Variants in ARHGEF33 observed in about 807,000 individuals in gnomAD.
ARHGEF33 encodes DH and coiled-coil domain-containing protein ENSP00000381780.
A neutral mutation model predicts 101.9 loss-of-function variants in ARHGEF33; 72 were observed. The ratio of observed to expected loss-of-function variants is 0.71; its 90% CI spans 0.58 to 0.86. The LOEUF (loss-of-function observed/expected upper bound fraction) is 0.86, where lower values mean the gene tolerates loss of function less well. Ranked by LOEUF, ARHGEF33 falls within the 40% of genes least tolerant of loss-of-function variation. The probability of loss-of-function intolerance (pLI) is 0.00; values close to 1 mark genes in which losing one functional copy is unlikely to be tolerated. For missense variants in ARHGEF33, 1,169 were observed against 1,111.3 expected (o/e 1.05, Z -0.74); for synonymous variants, 499 against 442.5 (o/e 1.13, Z -1.60).
At chr2:38,944,100 A>T in intron 10 of ARHGEF33, 70 bp downstream of exon 10, 4 of 1,467,006 alleles carry the variant, frequency 2.7e-6, no homozygotes, top group Non-Finnish European at 3.6e-6. Context: ...TATTGTTTCC[A>T]CTTTGGGATT....
intron 9 of ARHGEF33, among the ~76,000 whole-genome samples, chr2:38,938,776 T>G (rs968675203): frequency 2.0e-5 from 3 of 152,222 alleles, no homozygotes; most frequent in African/African-American, 4.8e-5. Flanking sequence ...TTATGACTTC[T>G]ATACCACAAA....
intron 1 of ARHGEF33, 57 bp from the exon 2 acceptor site, chr2:38,895,720 T>C (rs1299687310): frequency 6.6e-6 from 1 of 151,884 alleles, no homozygotes; most frequent in Non-Finnish European, 1.5e-5. Context: ...AAAATGATGG[T>C]ATAAAATGCA....
chr2:38,970,299 CTCT>C (rs1263423549), intron 17 of ARHGEF33, among the ~76,000 whole-genome samples: 1 of 152,132 alleles, frequency 6.6e-6, no homozygotes, highest in East Asian at 1.9e-4. Context: ...TCAGTGAATC[CTCT>C]TCTTTTGGTG....
intron 15 of ARHGEF33, among the ~76,000 whole-genome samples, chr2:38,958,713 TA>T (rs1256612076): frequency 4.6e-5 from 1 of 21,672 alleles, no homozygotes; most frequent in African/African-American, 1.8e-4. Flanking sequence ...GCATTGTTTT[TA>T]TTTTTTTTTG....
intron 13 of ARHGEF33, among the ~76,000 whole-genome samples, chr2:38,955,612 A>T (rs1014089690): frequency 1.4e-5 from 2 of 140,318 alleles, no homozygotes; most frequent in African/African-American, 5.3e-5. Context: ...CAATGCTCCC[A>T]CCTCGGCCTC....
intron 1 of ARHGEF33, among the ~76,000 whole-genome samples, chr2:38,891,826 C>G (rs1666012540): frequency 6.6e-6 from 1 of 151,790 alleles, no homozygotes; most frequent in African/African-American, 2.4e-5. Flanking sequence ...TCACTTGTGC[C>G]TTTTGAGAGT....
At chr2:38,899,744 G>T (rs1558422361) in intron 2 of ARHGEF33, among the ~76,000 whole-genome samples, 1 of 152,072 alleles carries the variant, frequency 6.6e-6, no homozygotes, top group Non-Finnish European at 1.5e-5. Flanking sequence ...AAGGTGACAG[G>T]TAGGCTAATT....
intron 2 of ARHGEF33, among the ~76,000 whole-genome samples, chr2:38,908,120 C>T (rs963235305): frequency 5.3e-5 from 8 of 152,312 alleles, no homozygotes; most frequent in African/African-American, 1.9e-4. Context: ...TTGCCTCAGC[C>T]TCTCAAAGTG....
chr2:38,935,060 AAAAG>A (rs1227033879), intron 7 of ARHGEF33, among the ~76,000 whole-genome samples: 1 of 151,790 alleles, frequency 6.6e-6, no homozygotes, highest in Non-Finnish European at 1.5e-5. Context: ...AAAAAAAAAA[AAAAG>A]AAACAGCAGG....
intron 13 of ARHGEF33, among the ~76,000 whole-genome samples, chr2:38,955,459 C>T (rs1311468355): frequency 7.6e-6 from 1 of 130,756 alleles, no homozygotes; most frequent in Non-Finnish European, 1.6e-5. Flanking sequence ...AGTCCAGTAT[C>T]AAAGCATCAA....
intron 7 of ARHGEF33, among the ~76,000 whole-genome samples, chr2:38,931,883 TGAC>T (rs1338984524): frequency 6.6e-6 from 1 of 152,234 alleles, no homozygotes; most frequent in African/African-American, 2.4e-5. Context: ...GTTGTTTAGA[TGAC>T]ATTTCCTCTT....
intron 4 of ARHGEF33, among the ~76,000 whole-genome samples, chr2:38,924,384 C>T (rs1046388825): frequency 3.9e-5 from 6 of 152,070 alleles, no homozygotes; most frequent in Non-Finnish European, 5.9e-5. Flanking sequence ...GCTCTTTTCC[C>T]GAGTCAGGTG....
At chr2:38,973,455 ATGT>A (rs1471041000) in intron 17 of ARHGEF33, among the ~76,000 whole-genome samples, 2 of 152,152 alleles carry the variant, frequency 1.3e-5, no homozygotes, top group East Asian at 1.9e-4. Context: ...CCCTATTATG[ATGT>A]TATTACACAA....
chr2:38,921,428 A>G lies in ARHGEF33; in HGVS notation c.75+5A>G. On this transcript the variant is annotated splice_donor_5th_base_variant and intron_variant, in intron 4 of 17. Transcript: ENST00000409978. ...CCTTCCACGCAGATTTACCAGGTAAAGACAAATCGATTGTTTCAAATGCTC... is the reference window on the plus strand; with the variant it reads ...CCTTCCACGCAGATTTACCAGGTAAGGACAAATCGATTGTTTCAAATGCTC... 6.5e-7 allele frequency: 1 copy of G among 1,530,760 alleles called. No homozygotes were observed. The highest frequency in any genetic ancestry group is 1.2e-5 in the South Asian group (1 of 83,672). 94.8% of individuals were successfully genotyped at this position (1,530,760 alleles called of 1,614,324 possible).
At chr2:38,906,464 C>G (rs1249410257) in intron 2 of ARHGEF33, among the ~76,000 whole-genome samples, 1 of 152,104 alleles carries the variant, frequency 6.6e-6, no homozygotes, top group African/African-American at 2.4e-5. Flanking sequence ...TCTCATTGTT[C>G]CAAACTTTTC....
In ARHGEF33 at chr2:38,900,837, A is replaced by G. The variant is rs1331616326; in HGVS notation, c.-86+4988A>G. Among the ~76,000 whole-genome samples the G allele has an allele frequency of 2.0e-5, 3 of 152,330 alleles. No homozygotes were observed. In the East Asian group the frequency reaches 5.8e-4, roughly 29 times the overall value. On this transcript the variant is annotated intron_variant, in intron 2 of 17. Transcript: ENST00000409978. The stretch of plus-strand genomic sequence containing the variant: ...ACTTGCTTGAATGGATTTTCTTTCA[A>G]TATCTCACACTTGAATGAAGACAGG...
At chr2:38,966,981 G>A (rs1446357233) in intron 17 of ARHGEF33, among the ~76,000 whole-genome samples, 1 of 152,192 alleles carries the variant, frequency 6.6e-6, no homozygotes, top group African/African-American at 2.4e-5. Flanking sequence ...CTGCTGCTTA[G>A]TTACTCTTGG....
intron 2 of ARHGEF33, among the ~76,000 whole-genome samples, chr2:38,917,392 C>T (rs1666658343): frequency 2.0e-5 from 3 of 152,082 alleles, no homozygotes; most frequent in Admixed American, 2.0e-4. Flanking sequence ...GCATCGAGCC[C>T]ATAATGAAGT....
At chr2:38,911,782 A>C (rs989785546) in intron 2 of ARHGEF33, among the ~76,000 whole-genome samples, 17 of 152,174 alleles carry the variant, frequency 1.1e-4, no homozygotes, top group African/African-American at 3.9e-4. Context: ...AGGCTGAGGC[A>C]GGAGGATTGC....
Sources: gnomAD v4.1 joint callset for allele counts (sites outside exome capture counted in the v4.1 genomes callset) on GRCh38, gnomAD v4.1.1 for gene constraint, MANE v1.5 for transcripts, NCBI Gene and HGNC (gene_info 2026-07-23, HGNC 2026-07-21) for gene names.